KCTD17: variants seen among roughly 807,000 people sequenced by gnomAD.
KCTD17 encodes the protein potassium channel tetramerization domain containing 17, also known as BTB/POZ domain-containing protein KCTD17.
A neutral mutation model predicts 41.5 loss-of-function variants in KCTD17; 20 were observed. The ratio of observed to expected loss-of-function variants is 0.48; its 90% CI spans 0.34 to 0.70. The LOEUF is 0.70. KCTD17 is among the 30% of genes least tolerant of loss of function. The pLI, the probability that KCTD17 is intolerant of heterozygous loss-of-function variation, is 0.01. For missense variants in KCTD17, 317 were observed against 427.2 expected (o/e 0.74, Z 2.27); for synonymous variants, 156 against 173.8 (o/e 0.90, Z 0.80).
In KCTD17 at chr22:37,052,116, G is replaced by A. The variant is rs1924561930; in HGVS notation, c.189+167G>A. 4 of 877,846 alleles carry A rather than the reference G, an allele frequency of 4.6e-6. No individual in the cohort carries two copies. In the South Asian group the frequency reaches 9.7e-5, roughly 21 times the overall value. 54.4% of individuals were successfully genotyped at this position (877,846 alleles called of 1,614,324 possible). On this transcript the variant is annotated intron_variant, in intron 1 of 8. Coordinates refer to ENST00000403888, the MANE Select transcript of KCTD17 (RefSeq NM_001282684.2). ...GAGGAGGGGAGGGGGAGGTGGGTCT[G>A]GTAGTGAGGGATGTACCCATTGCCG...
intron 8 of KCTD17, 65 bp from the exon 9 acceptor site, chr22:37,062,460 C>G (rs1316757486): frequency 2.6e-6 from 4 of 1,560,048 alleles, no homozygotes; most frequent in African/African-American, 1.4e-5. Flanking sequence ...CCTGCATCAC[C>G]CCCTCCTTAC....
chr22:37,051,811 C>T lies in KCTD17; in HGVS notation c.51C>T (p.Arg17=). ...CGCCGCCGGCGGGGGCGGGCGGCCGCGCCGCAGGCGGCTGGGGCAAGTGGG... is the reference window on the plus strand; with the variant it reads ...CGCCGCCGGCGGGGGCGGGCGGCCGTGCCGCAGGCGGCTGGGGCAAGTGGG... The part of the protein sequence containing the change: ...EAAPPAGAGG[R]AAGGWGKWVR... Residue 17 remains arginine, a synonymous_variant, in exon 1 of 9, where the codon CGC becomes CGT. Coordinates refer to ENST00000403888, the MANE Select transcript of KCTD17 (RefSeq NM_001282684.2). 1 of 1,277,926 alleles carries T rather than the reference C, an allele frequency of 7.8e-7. No homozygotes were observed. Among genetic ancestry groups the T allele is most frequent in the Non-Finnish European group, 9.9e-7 (1 of 1,012,732 alleles). 79.2% of individuals were successfully genotyped at this position (1,277,926 alleles called of 1,614,324 possible).
At position 37,051,849 on chromosome 22, in the gene KCTD17, TG is replaced by T; in HGVS notation, c.95del (p.Gly32AlafsTer5). The part of the protein sequence containing the change: ...GGWGKWVRLN[V>X]GGTVFLTTRQ... ...TGGGGCAAGTGGGTGCGGCTCAACG[TG>T]GGGGGCACGGTGTTCCTGACCACCC... On this transcript the variant is annotated frameshift_variant, in exon 1 of 9. Transcript: ENST00000403888. LOFTEE classifies it high-confidence loss of function. The T allele has an allele frequency of 1.4e-6, 2 of 1,459,882 alleles. No homozygotes were observed. Among genetic ancestry groups the T allele is most frequent in the Non-Finnish European group, 9.1e-7 (1 of 1,104,532 alleles). The allele number at this position is 1,459,882 out of a possible 1,614,324, so 90.4% of individuals were successfully genotyped here. A position where few individuals can be genotyped will look rare whatever the true frequency, so the allele number is the denominator to read the frequency against.
chr22:37,060,113 C>T (rs563310250), intron 5 of KCTD17, among the ~76,000 whole-genome samples: 79 of 152,328 alleles, frequency 5.2e-4, no homozygotes, highest in African/African-American at 1.9e-3. Context: ...GGGGTCCTGC[C>T]ATCCTGGACC....
chr22:37,062,746 A>G lies in KCTD17; in HGVS notation c.*152A>G. The G allele has an allele frequency of 6.9e-7, 1 of 1,453,638 alleles. No homozygotes were observed. Among genetic ancestry groups the G allele is most frequent in the East Asian group, 2.5e-5 (1 of 40,184 alleles). 90.0% of individuals were successfully genotyped at this position (1,453,638 alleles called of 1,614,324 possible). On this transcript the variant is annotated 3_prime_UTR_variant, in exon 9 of 9. Coordinates refer to ENST00000403888, the MANE Select transcript of KCTD17 (RefSeq NM_001282684.2). ...CCCCCCTGGGACCTCTTAAGGCCCA[A>G]GGTGGGCCCCAGGACCTCTGGGCAG...
At chr22:37,052,669 C>T (rs1005212721) in intron 1 of KCTD17, 3 of 470,252 alleles carry the variant, frequency 6.4e-6, no homozygotes, top group Admixed American at 4.7e-5. Flanking sequence ...CCTCCCTGCC[C>T]GCCCGAGTGT....
At chr22:37,052,547 C>G (rs1271729245) in intron 1 of KCTD17, 6 of 469,864 alleles carry the variant, frequency 1.3e-5, no homozygotes, top group Non-Finnish European at 2.2e-5. Context: ...AAGATGACCT[C>G]TAAGGTCTCC....
In KCTD17 at chr22:37,061,698, T is replaced by G; in HGVS notation, c.875+69T>G. 6.6e-7 allele frequency: 1 copy of G among 1,517,170 alleles called. No individual in the cohort carries two copies. The highest frequency in any genetic ancestry group is 8.8e-7 in the Non-Finnish European group (1 of 1,131,414). 94.0% of individuals were successfully genotyped at this position (1,517,170 alleles called of 1,614,324 possible). A position where few individuals can be genotyped will look rare whatever the true frequency, so the allele number is the denominator to read the frequency against. On this transcript the variant is annotated intron_variant, in intron 8 of 8. Transcript: ENST00000403888. This position sits in a 1 kb window ranked among gnomAD's most constrained non-coding sequence, Gnocchi z 6.6. ...GGTGCTCATCTCTTGATCCTTGGAC[T>G]TGAGCCGAGCTTTCGGCTGATTATC... is the stretch of plus-strand genomic sequence containing the variant.
chr22:37,054,650 G>GA (rs1924884311), intron 2 of KCTD17, among the ~76,000 whole-genome samples: 1 of 152,112 alleles, frequency 6.6e-6, no homozygotes, highest in South Asian at 2.1e-4. Context: ...TGAAATGGGG[G>GA]ACCATAGCAC....
In KCTD17 at chr22:37,056,220, G is replaced by T. The variant is rs914351333; in HGVS notation, c.299-100G>T. 5 of 936,064 alleles carry T rather than the reference G, an allele frequency of 5.3e-6. No individual in the cohort carries two copies. The African/African-American group carries it at 6.6e-5, about 12-fold the overall frequency. The allele number at this position is 936,064 out of a possible 1,614,324, so 58.0% of individuals were successfully genotyped here. A position where few individuals can be genotyped will look rare whatever the true frequency, so the allele number is the denominator to read the frequency against. On this transcript the variant is annotated intron_variant, in intron 2 of 8. Coordinates refer to ENST00000403888, the MANE Select transcript of KCTD17 (RefSeq NM_001282684.2). ...GACACTCAGCTCACCCTCAGGGCGG[G>T]TGATCAGAGCGAGAGGTGGGTTTCG...
In KCTD17 at chr22:37,053,223, G is replaced by A. The variant is rs1403240103; in HGVS notation, c.298+15G>A. On this transcript the variant is annotated intron_variant, in intron 2 of 8. Coordinates refer to ENST00000403888, the MANE Select transcript of KCTD17 (RefSeq NM_001282684.2). This position sits in a 1 kb window ranked among gnomAD's most constrained non-coding sequence, Gnocchi z 4.1. ...GGCTGAGGAGGGTGAGTTGGTCCAG[G>A]GGGCTGGCCTGGACCTTATGCAGCC... The A allele has an allele frequency of 4.4e-6, 7 of 1,577,240 alleles. No homozygotes were observed. The African/African-American group carries it at 6.8e-5, about 15-fold the overall frequency.
Position 37,062,362 on chromosome 22 carries a change from C to G in KCTD17, c.876-163C>G, listed in dbSNP as rs577107502. The G allele has an allele frequency of 4.1e-4, 400 of 984,794 alleles. 2 individuals carry two copies. The African/African-American group carries it at 4.1e-3, about 10-fold the overall frequency. 61.0% of individuals were successfully genotyped at this position (984,794 alleles called of 1,614,324 possible). A position where few individuals can be genotyped will look rare whatever the true frequency, so the allele number is the denominator to read the frequency against. ...CCACCTTCTTTGGGCCTCAGCCCCA[C>G]CCCCTCCTCCAGAAGGAAGCCTGTG... On this transcript the variant is annotated intron_variant, in intron 8 of 8. Transcript: ENST00000403888.
chr22:37,053,745 T>A lies in KCTD17; in HGVS notation c.298+537T>A, dbSNP rs1219494593. ...GGAGGCAGGAGAGGGGGGAGTCTGC[T>A]TCCCAGTGGGGCTTTGGTTATCCCC... is the stretch of plus-strand genomic sequence containing the variant. On this transcript the variant is annotated intron_variant, in intron 2 of 8. Coordinates refer to ENST00000403888, the MANE Select transcript of KCTD17 (RefSeq NM_001282684.2). The surrounding 1 kb of genome is among the most constrained non-coding windows in gnomAD (Gnocchi z 4.1). Among the ~76,000 whole-genome samples the A allele has an allele frequency of 5.3e-5, 8 of 152,144 alleles. 1 individual carries two copies. In the East Asian group the frequency reaches 1.5e-3, roughly 29 times the overall value.
rs987778835 is a variant in KCTD17, at chr22:37,061,754, G to C, written c.875+125G>C. 2.8e-6 allele frequency: 4 copies of C among 1,451,786 alleles called. No individual in the cohort carries two copies. The highest frequency in any genetic ancestry group is 1.4e-5 in the African/African-American group (1 of 71,164). The allele number at this position is 1,451,786 out of a possible 1,614,324, so 89.9% of individuals were successfully genotyped here. A position where few individuals can be genotyped will look rare whatever the true frequency, so the allele number is the denominator to read the frequency against. ...CCACCAAAGTTTCTCATCCGACCTT[G>C]GCCTTGGGGGTGAGGCTCTGAGAGG... On this transcript the variant is annotated intron_variant, in intron 8 of 8. Transcript: ENST00000403888. The surrounding 1 kb of genome is among the most constrained non-coding windows in gnomAD (Gnocchi z 6.6).
chr22:37,059,508 G>A lies in KCTD17; in HGVS notation c.612+70G>A, dbSNP rs559523867. 4.1e-4 allele frequency: 612 copies of A among 1,511,030 alleles called. 2 individuals are homozygous for A. The highest frequency in any genetic ancestry group is 4.9e-4 in the Non-Finnish European group (550 of 1,121,070). The allele number at this position is 1,511,030 out of a possible 1,614,324, so 93.6% of individuals were successfully genotyped here. A position where few individuals can be genotyped will look rare whatever the true frequency, so the allele number is the denominator to read the frequency against. The stretch of plus-strand genomic sequence containing the variant: ...TCCCTCCACCCTCCCCGCCTGTCCC[G>A]CCCCTGCGCCTGCACCATCCCTCCA... On this transcript the variant is annotated intron_variant, in intron 5 of 8. Transcript: ENST00000403888.
chr22:37,053,124 G>A lies in KCTD17; in HGVS notation c.214G>A (p.Asp72Asn). The change falls in exon 2 of 9, where the codon GAC (aspartate) becomes AAC (asparagine). Residue 72 changes from aspartate to asparagine, a missense_variant. This residue lies in a region of KCTD17 where 99 missense variants were observed against 166.5 expected (regional missense o/e 0.59). Transcript: ENST00000403888. This position sits in a 1 kb window ranked among gnomAD's most constrained non-coding sequence, Gnocchi z 4.1. ...DRDETGAYLIDRDPTYFGPIL... is the reference protein window; with the variant it reads ...DRDETGAYLINRDPTYFGPIL... ...GGATGAGACCGGGGCCTACCTCATT[G>A]ACCGTGACCCCACCTACTTCGGGCC... 1 of 1,597,380 alleles carries A rather than the reference G, an allele frequency of 6.3e-7. No homozygotes were observed. The highest frequency in any genetic ancestry group is 1.7e-5 in the Admixed American group (1 of 58,082).
chr22:37,060,826 A>G lies in KCTD17; in HGVS notation c.616A>G (p.Thr206Ala). The change falls in exon 6 of 9, where the codon ACG becomes GCG. Residue 206 changes from threonine (T) to alanine (A), a missense_variant. Physicochemically the swap from Thr to Ala is moderately conservative, Grantham distance 58 (BLOSUM62 0). Coordinates refer to ENST00000403888, the MANE Select transcript of KCTD17 (RefSeq NM_001282684.2). The stretch of plus-strand genomic sequence containing the variant: ...GGGTCCGCCGGCTGGTTCACAGAGC[A>G]CGGAGGAGCAGCTGGAGGAGCAGCA... ...SSESSRKTKS[T>A]EEQLEEQQQQ... 6.6e-7 allele frequency: 1 copy of G among 1,510,620 alleles called. No homozygotes were observed. Among genetic ancestry groups the G allele is most frequent in the South Asian group, 1.3e-5 (1 of 75,594 alleles). 93.6% of individuals were successfully genotyped at this position (1,510,620 alleles called of 1,614,324 possible).
At chr22:37,056,987 G>C (rs1395524859) in intron 3 of KCTD17, among the ~76,000 whole-genome samples, 9 of 152,088 alleles carry the variant, frequency 5.9e-5, no homozygotes, top group Non-Finnish European at 8.8e-5. Context: ...AGGCCCAGGG[G>C]ATTAAAGAGG....
chr22:37,056,436 G>A (rs371921045), intron 3 of KCTD17, 25 bp downstream of exon 3: 17 of 1,584,374 alleles, frequency 1.1e-5, no homozygotes, highest in South Asian at 3.3e-5. Flanking sequence ...CAGCACACAC[G>A]GCCAGGGCAG....
Sources: allele counts gnomAD v4.1 joint callset (sites outside exome capture counted in the v4.1 genomes callset), GRCh38; gene constraint gnomAD v4.1.1; regional missense constraint gnomAD v4.1.1; non-coding constraint Gnocchi (gnomAD v3.1); transcripts MANE v1.5; gene names NCBI Gene and HGNC (gene_info 2026-07-23, HGNC 2026-07-21).